DMD: variants seen among roughly 807,000 people sequenced by gnomAD.
The protein encoded by DMD is mutant dystrophin.
Under a neutral mutation model 330.1 loss-of-function variants are expected in DMD, and 63 were observed. The ratio of observed to expected loss-of-function variants is 0.19; its 90% CI spans 0.16 to 0.24. The LOEUF is 0.24. Ranked by LOEUF, DMD falls within the 10% of genes least tolerant of loss-of-function variation. The probability of loss-of-function intolerance (pLI) is 1.00; values close to 1 mark genes in which losing one functional copy is unlikely to be tolerated. For synonymous variants in DMD, 1,223 were observed against 959.8 expected, an observed-to-expected ratio of 1.27 and a Z score of -5.07; for missense variants, 3,344 against 2,684.1, an observed-to-expected ratio of 1.25 and a Z score of -5.43.
At chrX:31,643,598 A>C (rs933621894) in intron 54 of DMD, among the ~76,000 whole-genome samples, 3 of 112,044 alleles carry the variant, frequency 2.7e-5, no homozygotes, top group Non-Finnish European at 5.6e-5. Context: ...TTGTTAGTGA[A>C]ATATGTGCTC....
chrX:32,035,076 G>GTTCAT (rs1459278763), intron 44 of DMD, among the ~76,000 whole-genome samples: 1 of 111,540 alleles, frequency 9.0e-6, no homozygotes, highest in Admixed American at 9.6e-5. Context: ...TATTGTCCAT[G>GTTCAT]TTCATATCCA....
chrX:32,689,733 G>A (rs181827625), intron 9 of DMD, among the ~76,000 whole-genome samples: 22 of 111,052 alleles, frequency 2.0e-4, no homozygotes, highest in African/African-American at 7.2e-4. Context: ...GGGATACAAG[G>A]ATGGTTCAAC....
At chrX:31,582,196 C>T (rs889241948) in intron 55 of DMD, among the ~76,000 whole-genome samples, 1 of 111,698 alleles carries the variant, frequency 9.0e-6, no homozygotes, top group Admixed American at 9.6e-5. Flanking sequence ...TTGTAATGCC[C>T]TATGGACCAG....
At chrX:32,171,241 T>C (rs1044458535) in intron 44 of DMD, among the ~76,000 whole-genome samples, 1 of 111,902 alleles carries the variant, frequency 8.9e-6, no homozygotes, top group African/African-American at 3.2e-5. Context: ...TATGATGCCT[T>C]ATATACTAAA....
chrX:32,397,950 T>C (rs1307667561), intron 30 of DMD, among the ~76,000 whole-genome samples: 1 of 111,248 alleles, frequency 9.0e-6, no homozygotes, highest in Non-Finnish European at 1.9e-5. Flanking sequence ...ATTAAAATAC[T>C]TCATGTTGAG....
chrX:32,365,919 T>A (rs767652123), intron 34 of DMD, among the ~76,000 whole-genome samples: 1 of 111,614 alleles, frequency 9.0e-6, no homozygotes, highest in Non-Finnish European at 1.9e-5. Context: ...AGTGACAAAG[T>A]CATGGGTATC....
At chrX:33,001,079 ATG>A (rs1307908099) in intron 2 of DMD, among the ~76,000 whole-genome samples, 2 of 111,743 alleles carry the variant, frequency 1.8e-5, no homozygotes, top group African/African-American at 6.5e-5. Flanking sequence ...AGGATGGGAC[ATG>A]TGACTTCATG....
intron 1 of DMD, among the ~76,000 whole-genome samples, chrX:33,126,176 A>G (rs1373669754): frequency 8.9e-6 from 1 of 112,197 alleles, no homozygotes; most frequent in African/African-American, 3.2e-5. Flanking sequence ...ATTTCCTAAC[A>G]TAGATATTTA....
chrX:33,126,037 T>C (rs1446660303), intron 1 of DMD, among the ~76,000 whole-genome samples: 1 of 26,400 alleles, frequency 3.8e-5, no homozygotes, highest in South Asian at 2.1e-3. Flanking sequence ...AGACTCCGTC[T>C]CAAGAAAAAA....
At position 33,171,400 on chromosome X, in the gene DMD, G is replaced by C. The variant is rs148693683; in HGVS notation, c.31+39882C>G. 1.1e-4 allele frequency among the ~76,000 whole-genome samples: 12 copies of C among 111,297 alleles called. No individual in the cohort carries two copies. In the Admixed American group the frequency reaches 1.1e-3, roughly 11 times the overall value. ...TGCTACAGTAGTACAGCTGGGACTTGTCCTACATTTACTGAGAACTCTAAT... is the reference window on the plus strand; with the variant it reads ...TGCTACAGTAGTACAGCTGGGACTTCTCCTACATTTACTGAGAACTCTAAT... On this transcript the variant is annotated intron_variant, in intron 1 of 78. Coordinates refer to ENST00000357033, the MANE Select transcript of DMD (RefSeq NM_004006.3).
At chrX:32,911,524 T>A (rs1004050047) in intron 2 of DMD, among the ~76,000 whole-genome samples, 2 of 112,316 alleles carry the variant, frequency 1.8e-5, no homozygotes, top group African/African-American at 6.5e-5. Context: ...GGAATATACA[T>A]TTAATAATGA....
At chrX:32,057,828 G>A (rs776061382) in intron 44 of DMD, among the ~76,000 whole-genome samples, 1 of 111,275 alleles carries the variant, frequency 9.0e-6, no homozygotes, top group East Asian at 2.8e-4. Context: ...ACACTTGCTA[G>A]TTTCAAAATG....
chrX:31,699,243 T>C (rs1020356550), intron 52 of DMD, among the ~76,000 whole-genome samples: 4 of 112,050 alleles, frequency 3.6e-5, no homozygotes, highest in African/African-American at 1.3e-4. Flanking sequence ...GAGGATAGAT[T>C]GGATGATCCC....
intron 44 of DMD, among the ~76,000 whole-genome samples, chrX:31,976,985 T>C (rs1385189401): frequency 8.9e-6 from 1 of 111,922 alleles, no homozygotes; most frequent in East Asian, 2.8e-4. Context: ...ACTCTCAACT[T>C]AATGGGGACA....
intron 1 of DMD, among the ~76,000 whole-genome samples, chrX:33,181,396 G>A (rs1483672299): frequency 9.0e-6 from 1 of 111,702 alleles, no homozygotes; most frequent in African/African-American, 3.3e-5. Context: ...CCATTTTATA[G>A]TTAATTTATT....
intron 1 of DMD, among the ~76,000 whole-genome samples, chrX:33,046,434 A>T (rs2094383210): frequency 8.9e-6 from 1 of 111,949 alleles, no homozygotes; most frequent in African/African-American, 3.2e-5. Context: ...TGTGCTCCCC[A>T]AAATAATTTA....
At chrX:32,741,687 A>G (rs911562370) in intron 7 of DMD, among the ~76,000 whole-genome samples, 1 of 111,922 alleles carries the variant, frequency 8.9e-6, no homozygotes, top group Non-Finnish European at 1.9e-5. Context: ...TGTGCATGAG[A>G]GGGTCCAAAG....
intron 2 of DMD, among the ~76,000 whole-genome samples, chrX:32,887,922 A>T (rs1393001159): frequency 9.1e-6 from 1 of 109,718 alleles, no homozygotes; most frequent in Non-Finnish European, 1.9e-5. Flanking sequence ...ATCCCTTTTC[A>T]GGTATATGGT....
intron 7 of DMD, among the ~76,000 whole-genome samples, chrX:32,733,500 C>G (rs752146964): frequency 7.2e-4 from 80 of 110,833 alleles, no homozygotes; most frequent in African/African-American, 2.4e-3. Context: ...CACAACTGAC[C>G]ACATACTTGG....
Sources: allele counts gnomAD v4.1 joint callset (sites outside exome capture counted in the v4.1 genomes callset), GRCh38; gene constraint gnomAD v4.1.1; transcripts MANE v1.5; gene names NCBI Gene and HGNC (gene_info 2026-07-23, HGNC 2026-07-21).